CDH12: variants seen among roughly 807,000 people sequenced by gnomAD.
CDH12 encodes the protein cadherin 12, also known as cadherin-12.
In CDH12, 41 loss-of-function variants were observed where a neutral mutation model predicts 74.1. The observed-to-expected ratio is 0.55, with a 90% CI of 0.43 to 0.72. The LOEUF is 0.72. CDH12 is among the 30% of genes least tolerant of loss of function. The pLI, the probability that CDH12 is intolerant of heterozygous loss-of-function variation, is 0.00. For synonymous variants in CDH12, 399 were observed against 355.0 expected (o/e 1.12, Z -1.39); for missense variants, 945 against 977.2 (o/e 0.97, Z 0.44).
intron 6 of CDH12, among the ~76,000 whole-genome samples, chr5:21,881,938 G>T (rs1378490034): frequency 6.6e-6 from 1 of 152,130 alleles, no homozygotes; most frequent in African/African-American, 2.4e-5. Context: ...GAAGAAATCA[G>T]TCTAATATCC....
chr5:22,471,254 G>C (rs563054856), intron 2 of CDH12, among the ~76,000 whole-genome samples: 3 of 152,160 alleles, frequency 2.0e-5, no homozygotes, highest in East Asian at 3.9e-4. Flanking sequence ...ACAACCAATC[G>C]ACAAGCTCTC....
At chr5:21,815,548 A>G (rs1253432003) in intron 9 of CDH12, among the ~76,000 whole-genome samples, 1 of 152,192 alleles carries the variant, frequency 6.6e-6, no homozygotes, top group African/African-American at 2.4e-5. Flanking sequence ...TAATATTTCA[A>G]CTAACTTTGC....
At chr5:22,781,205 A>T (rs1466387250) in intron 1 of CDH12, among the ~76,000 whole-genome samples, 1 of 152,208 alleles carries the variant, frequency 6.6e-6, no homozygotes, top group Non-Finnish European at 1.5e-5. Flanking sequence ...AAAAAAATGA[A>T]TCTTGATTTT....
At chr5:22,606,743 G>C (rs1372362541) in intron 1 of CDH12, among the ~76,000 whole-genome samples, 1 of 152,094 alleles carries the variant, frequency 6.6e-6, no homozygotes, top group Non-Finnish European at 1.5e-5. Context: ...AGGAGAGTGG[G>C]GCACTGCTAT....
intron 1 of CDH12, among the ~76,000 whole-genome samples, chr5:22,532,153 A>T (rs1309987417): frequency 2.0e-5 from 3 of 151,288 alleles, no homozygotes; most frequent in Non-Finnish European, 4.4e-5. Context: ...ACTCAAACAC[A>T]GCCTGCCTGG....
At chr5:22,668,198 T>C (rs1227835215) in intron 1 of CDH12, among the ~76,000 whole-genome samples, 1 of 152,188 alleles carries the variant, frequency 6.6e-6, no homozygotes, top group Non-Finnish European at 1.5e-5. Context: ...CTAATCTTTC[T>C]AACTCTAGTT....
chr5:22,080,714 G>A (rs376118544), intron 4 of CDH12, among the ~76,000 whole-genome samples: 5 of 152,098 alleles, frequency 3.3e-5, no homozygotes. Context: ...CACTTGACAT[G>A]ATATTTTGGA....
chr5:22,589,686 A>G (rs989520861), intron 1 of CDH12, among the ~76,000 whole-genome samples: 1 of 151,850 alleles, frequency 6.6e-6, no homozygotes, highest in Non-Finnish European at 1.5e-5. Flanking sequence ...CTCCTCCTTC[A>G]CTGTCACTTA....
chr5:22,621,179 C>A (rs994971658), intron 1 of CDH12, among the ~76,000 whole-genome samples: 1 of 152,122 alleles, frequency 6.6e-6, no homozygotes, highest in African/African-American at 2.4e-5. Context: ...CCAATCTCTC[C>A]GAGTCTGCTT....
chr5:22,509,979 A>G (rs1354594526), intron 1 of CDH12, among the ~76,000 whole-genome samples: 2 of 152,088 alleles, frequency 1.3e-5, no homozygotes, highest in African/African-American at 2.4e-5. Context: ...TTCTTTCACA[A>G]CGTAAGACCC....
intron 3 of CDH12, among the ~76,000 whole-genome samples, chr5:22,369,371 A>T (rs1031143): frequency 0.43 from 65,704 of 151,846 alleles, 15,250 homozygotes; most frequent in Non-Finnish European, 0.52. Flanking sequence ...AAAAAAATAG[A>T]CTTTCTTTAA....
At chr5:22,553,147 C>A (rs1738649714) in intron 1 of CDH12, among the ~76,000 whole-genome samples, 2 of 152,054 alleles carry the variant, frequency 1.3e-5, no homozygotes, top group Admixed American at 6.6e-5. Context: ...AGAATGAAAT[C>A]TTCCTAATTT....
rs574761810 is a variant in CDH12, at chr5:21,884,851, G to A, written c.527-30061C>T. 6.6e-5 allele frequency among the ~76,000 whole-genome samples: 10 copies of A among 152,176 alleles called. No homozygotes were observed. In the South Asian group the frequency reaches 1.9e-3, roughly 28 times the overall value. On this transcript the variant is annotated intron_variant, in intron 6 of 14. Transcript: ENST00000382254. ...CTTAATTTTTGAAACTACTGTATGG[G>A]GTAATAACTTATTATAAAAGGCCCT... is the stretch of plus-strand genomic sequence containing the variant.
At chr5:22,852,190 T>C (rs1288564580) in intron 1 of CDH12, among the ~76,000 whole-genome samples, 1 of 152,168 alleles carries the variant, frequency 6.6e-6, no homozygotes, top group African/African-American at 2.4e-5. Flanking sequence ...GCCAGAAGTA[T>C]GTCAGTTCCC....
At chr5:22,340,388 G>C (rs1230659520) in intron 3 of CDH12, among the ~76,000 whole-genome samples, 1 of 152,018 alleles carries the variant, frequency 6.6e-6, no homozygotes, top group Admixed American at 6.6e-5. Context: ...TTAGCCAGAC[G>C]TGGTGGCGGG....
At chr5:21,991,818 A>G (rs1410782298) in intron 5 of CDH12, among the ~76,000 whole-genome samples, 5 of 151,846 alleles carry the variant, frequency 3.3e-5, no homozygotes, top group Non-Finnish European at 7.4e-5. Flanking sequence ...AATAAATACA[A>G]GAACTTAGCT....
chr5:22,026,544 C>G (rs1383058821), intron 5 of CDH12, among the ~76,000 whole-genome samples: 1 of 152,170 alleles, frequency 6.6e-6, no homozygotes, highest in African/African-American at 2.4e-5. Context: ...AATCCAGGAA[C>G]TGCTCATCCA....
intron 1 of CDH12, among the ~76,000 whole-genome samples, chr5:22,770,184 T>C (rs1360459583): frequency 1.3e-5 from 2 of 152,040 alleles, no homozygotes; most frequent in East Asian, 3.9e-4. Context: ...AGAGACTTTT[T>C]CTTCAACTGA....
intron 1 of CDH12, among the ~76,000 whole-genome samples, chr5:22,561,714 G>T (rs6881491): frequency 0.16 from 23,666 of 152,042 alleles, 2,436 homozygotes; most frequent in East Asian, 0.36. Context: ...TCAAGAGGGA[G>T]CTAAATAGAA....
Sources: allele counts gnomAD v4.1 joint callset (sites outside exome capture counted in the v4.1 genomes callset), GRCh38; gene constraint gnomAD v4.1.1; transcripts MANE v1.5; gene names NCBI Gene and HGNC (gene_info 2026-07-23, HGNC 2026-07-21).